Variants in PKHD1L1 observed in about 807,000 individuals in gnomAD.
The protein encoded by PKHD1L1 is fibrocystin-L.
A neutral mutation model predicts 462.9 loss-of-function variants in PKHD1L1; 434 were observed. That is an observed-to-expected ratio of 0.94 (90% confidence interval 0.87 to 1.02). The LOEUF is 1.02. Among genes scored for constraint, PKHD1L1 ranks in the 50% least tolerant of loss-of-function variants. PKHD1L1 has a pLI of 0.00. For synonymous variants in PKHD1L1, 1,781 were observed against 1,750.0 expected, an observed-to-expected ratio of 1.02 and a Z score of -0.44; for missense variants, 5,202 against 5,096.1, an observed-to-expected ratio of 1.02 and a Z score of -0.63.
chr8:109,402,114 A>C (rs1455152185), intron 14 of PKHD1L1, among the ~76,000 whole-genome samples: 2 of 152,214 alleles, frequency 1.3e-5, no homozygotes, highest in East Asian at 3.8e-4. Context: ...GAGTGGGATT[A>C]TCATCCAAAT....
At chr8:109,433,079 A>G (rs368077926) in intron 27 of PKHD1L1, 27 bp from the exon 28 acceptor site, 48 of 1,453,520 alleles carry the variant, frequency 3.3e-5, no homozygotes, top group Middle Eastern at 3.5e-4. Flanking sequence ...TAACTTTAAT[A>G]TTGTTATTTA....
At chr8:109,512,338 T>G (rs1250145878) in intron 71 of PKHD1L1, among the ~76,000 whole-genome samples, 30 of 151,306 alleles carry the variant, frequency 2.0e-4, no homozygotes, top group South Asian at 4.2e-4. Flanking sequence ...GGTCTAACAT[T>G]TAAGTCTTTA....
intron 42 of PKHD1L1, among the ~76,000 whole-genome samples, 152 bp from the exon 43 acceptor site, chr8:109,452,566 T>A (rs1305153078): frequency 1.3e-5 from 2 of 150,296 alleles, no homozygotes; most frequent in African/African-American, 4.9e-5. Context: ...TTAAGTAGGT[T>A]AGATTTTATT....
intron 9 of PKHD1L1, among the ~76,000 whole-genome samples, chr8:109,393,846 C>T (rs1213510125): frequency 6.6e-6 from 1 of 152,096 alleles, no homozygotes; most frequent in African/African-American, 2.4e-5. Context: ...AAGGGTAATC[C>T]TTTTGTATGC....
At chr8:109,478,571 G>A (rs537294371) in intron 53 of PKHD1L1, among the ~76,000 whole-genome samples, 23 of 152,176 alleles carry the variant, frequency 1.5e-4, no homozygotes, top group Admixed American at 5.9e-4. Context: ...AGCTCGCTGC[G>A]TGAAGGGTGG....
Position 109,442,985 on chromosome 8 carries a change from A to C in PKHD1L1, c.4433A>C (p.Tyr1478Ser). The C allele has an allele frequency of 1.2e-6, 2 of 1,613,546 alleles. No homozygotes were observed. Among genetic ancestry groups the C allele is most frequent in the Non-Finnish European group, 1.7e-6 (2 of 1,179,562 alleles). The change falls in exon 36 of 78, where the codon TAT becomes TCT. Residue 1478 changes from tyrosine to serine, a missense_variant. Tyr to Ser is a moderately radical substitution (Grantham distance 144). This residue lies in a region of PKHD1L1 where 4,497 missense variants were observed against 4,336.8 expected (regional missense o/e 1.04). Transcript: ENST00000378402. ...CAATTTACTTCTCCTGGAATCCATT[A>C]TTATAGCAGCGGGTATGTTGATGAG... is the stretch of plus-strand genomic sequence containing the variant. Reference protein sequence around the residue: ...SYQFTSPGIHYYSSGYVDEAH... With the variant: ...SYQFTSPGIHSYSSGYVDEAH...
intron 61 of PKHD1L1, 141 bp from the exon 62 acceptor site, chr8:109,491,732 A>C: frequency 1.3e-6 from 1 of 764,456 alleles, no homozygotes. Context: ...GACTCCTTCG[A>C]AACTCTAAGA....
At chr8:109,518,570 C>T (rs758411620) in intron 73 of PKHD1L1, 62 bp downstream of exon 73, 19 of 1,375,562 alleles carry the variant, frequency 1.4e-5, no homozygotes, top group Non-Finnish European at 1.8e-5. Context: ...CCATAAATAA[C>T]CTGATCAGGG....
chr8:109,405,248 C>A, intron 16 of PKHD1L1, 118 bp downstream of exon 16: 1 of 598,154 alleles, frequency 1.7e-6, no homozygotes, highest in Non-Finnish European at 2.5e-6. Flanking sequence ...ATATGCTAGA[C>A]AAAGAAGCAG....
rs375765492 is a variant in PKHD1L1 at position 109,528,032 on chromosome 8, G to C, written c.12721+1012G>C. Among the ~76,000 whole-genome samples the C allele has an allele frequency of 5.1e-4, 78 of 152,276 alleles. 1 individual carries two copies. Among genetic ancestry groups the C allele is most frequent in the African/African-American group, 1.9e-3 (78 of 41,552 alleles). The stretch of plus-strand genomic sequence containing the variant: ...TTCACTAAGGATAATAAAGGTGCTA[G>C]TACGAGGAATGACAGGCAGACAGAG... On this transcript the variant is annotated intron_variant, in intron 77 of 77. Transcript: ENST00000378402.
chr8:109,511,231 A>C, intron 71 of PKHD1L1, among the ~76,000 whole-genome samples: 1 of 152,176 alleles, frequency 6.6e-6, no homozygotes, highest in Non-Finnish European at 1.5e-5. Context: ...TTTAGGGTAC[A>C]TGTGCACAAT....
At chr8:109,470,730 T>C in intron 50 of PKHD1L1, 1 of 1,565,194 alleles carries the variant, frequency 6.4e-7, no homozygotes, top group Non-Finnish European at 8.7e-7. Context: ...TGTACCAATC[T>C]TCTTGGGACA....
In PKHD1L1 at chr8:109,526,950, C is replaced by T. The variant is rs201403257; in HGVS notation, c.12651C>T (p.Ser4217=). The T allele has an allele frequency of 3.9e-4, 623 of 1,613,784 alleles. 11 individuals carry two copies. The highest frequency in any genetic ancestry group is 3.8e-3 in the South Asian group (349 of 91,072). ...TYAQIMTVVI[S]CLVGRMWLLE... ...CCCAGATAATGACTGTAGTAATTAGCTGTCTGGTTGGAAGAATGTGGCTCT... is the reference window on the plus strand; with the variant it reads ...CCCAGATAATGACTGTAGTAATTAGTTGTCTGGTTGGAAGAATGTGGCTCT... The change falls in exon 77 of 78, where the codon AGC becomes AGT. Residue 4217 remains serine (S), a synonymous_variant. Coordinates refer to ENST00000378402, the MANE Select transcript of PKHD1L1 (RefSeq NM_177531.6).
At chr8:109,405,489 C>T (rs1477758513) in intron 16 of PKHD1L1, among the ~76,000 whole-genome samples, 1 of 152,002 alleles carries the variant, frequency 6.6e-6, no homozygotes, top group Non-Finnish European at 1.5e-5. Context: ...TGTGGTACAC[C>T]ATAGAATACT....
At chr8:109,505,979 C>A (rs1673415) in intron 68 of PKHD1L1, among the ~76,000 whole-genome samples, 59,433 of 151,996 alleles carry the variant, frequency 0.39, 11,819 homozygotes, top group South Asian at 0.57. Flanking sequence ...TTTTGCTTTG[C>A]TGACAGCCCA....
Position 109,530,324 on chromosome 8 carries a change from T to C in PKHD1L1, c.*234T>C, listed in dbSNP as rs1180627591. 3 of 252,860 alleles carry C rather than the reference T, an allele frequency of 1.2e-5. No homozygotes were observed. The highest frequency in any genetic ancestry group is 4.5e-5 in the African/African-American group (2 of 44,016). The allele number at this position is 252,860 out of a possible 1,614,324, so 15.7% of individuals were successfully genotyped here. On this transcript the variant is annotated 3_prime_UTR_variant, in exon 78 of 78. Coordinates refer to ENST00000378402, the MANE Select transcript of PKHD1L1 (RefSeq NM_177531.6). ...TTTCATTTCAATAAACTTCCAGAAATTTGTCATTTGGAAGTAGATATGACA... is the reference window on the plus strand; with the variant it reads ...TTTCATTTCAATAAACTTCCAGAAACTTGTCATTTGGAAGTAGATATGACA...
intron 9 of PKHD1L1, among the ~76,000 whole-genome samples, chr8:109,391,771 G>C (rs186037487): frequency 4.2e-4 from 64 of 152,294 alleles, no homozygotes; most frequent in African/African-American, 1.5e-3. Context: ...AGCACTCACA[G>C]ACTACAAGTG....
chr8:109,518,485 A>G lies in PKHD1L1; in HGVS notation c.12008A>G (p.Gln4003Arg). Reference protein sequence around the residue: ...IEIEIGDPPIQFISNGTTGQM... With the variant: ...IEIEIGDPPIRFISNGTTGQM... ...ATAGAGATTGGAGACCCTCCTATTC[A>G]GTTCATAAGCAATGGCACCACAGGT... Residue 4003 changes from glutamine to arginine, a missense_variant, in exon 73 of 78, where the codon CAG becomes CGG. Gln to Arg is a conservative substitution (Grantham distance 43, BLOSUM62 1). Transcript: ENST00000378402. 6.2e-7 allele frequency: 1 copy of G among 1,602,328 alleles called. No individual in the cohort carries two copies. Among genetic ancestry groups the G allele is most frequent in the Non-Finnish European group, 8.5e-7 (1 of 1,178,688 alleles).
At chr8:109,413,647 G>C in intron 21 of PKHD1L1, 102 bp downstream of exon 21, 3 of 938,434 alleles carry the variant, frequency 3.2e-6, no homozygotes, top group Non-Finnish European at 4.3e-6. Flanking sequence ...TGGTCTGTTT[G>C]GGGAGATGAG....
Sources: gnomAD v4.1 joint callset for allele counts (sites outside exome capture counted in the v4.1 genomes callset) on GRCh38, gnomAD v4.1.1 for gene constraint, gnomAD v4.1.1 regional missense constraint, MANE v1.5 for transcripts, NCBI Gene and HGNC (gene_info 2026-07-23, HGNC 2026-07-21) for gene names.